The following NEGR1 variants were observed in gnomAD, a reference collection of about 807,000 sequenced individuals.
NEGR1 encodes IgLON family member 4.
A neutral mutation model predicts 40.9 loss-of-function variants in NEGR1; 10 were observed. The observed-to-expected ratio is 0.24, with a 90% CI of 0.15 to 0.42. The LOEUF (loss-of-function observed/expected upper bound fraction) is 0.42, where lower values mean the gene tolerates loss of function less well. Among genes scored for constraint, NEGR1 ranks in the 10% least tolerant of loss-of-function variants. NEGR1 has a pLI of 1.00. For synonymous variants in NEGR1, 185 were observed against 166.8 expected (o/e 1.11, Z -0.84); for missense variants, 352 against 438.9 (o/e 0.80, Z 1.77).
chr1:72,001,219 C>T (rs1240039010), intron 1 of NEGR1, among the ~76,000 whole-genome samples: 3 of 151,744 alleles, frequency 2.0e-5, no homozygotes, highest in Non-Finnish European at 4.4e-5. Flanking sequence ...TTTCAGGACC[C>T]CTCTCTGCAG....
chr1:71,776,034 TA>T lies in NEGR1; in HGVS notation c.535+137del, dbSNP rs1335212500. ...ATAAATAAATAAATAAATAAATAAATAAATAAATGCATTCTGCCTACCGCAT... is the reference window on the plus strand; with the variant it reads ...ATAAATAAATAAATAAATAAATAAATAATAAATGCATTCTGCCTACCGCAT... On this transcript the variant is annotated intron_variant, in intron 3 of 6. Coordinates refer to ENST00000357731, the MANE Select transcript of NEGR1 (RefSeq NM_173808.3). The T allele has an allele frequency of 1.6e-4, 45 of 281,946 alleles. No homozygotes were observed. The East Asian group carries it at 3.0e-3, about 19-fold the overall frequency. 17.5% of individuals were successfully genotyped at this position (281,946 alleles called of 1,614,324 possible).
chr1:72,188,084 T>C (rs1652677730), intron 1 of NEGR1, among the ~76,000 whole-genome samples: 1 of 151,524 alleles, frequency 6.6e-6, no homozygotes, highest in Non-Finnish European at 1.5e-5. Context: ...AATGTTAAAC[T>C]GATGTTAAAT....
chr1:71,967,728 C>A (rs932444039), intron 1 of NEGR1, among the ~76,000 whole-genome samples: 3 of 152,090 alleles, frequency 2.0e-5, no homozygotes, highest in Non-Finnish European at 4.4e-5. Context: ...CTTTCATTTA[C>A]ATGTTTTATT....
At chr1:71,737,987 C>A (rs1483374019) in intron 3 of NEGR1, among the ~76,000 whole-genome samples, 5 of 152,148 alleles carry the variant, frequency 3.3e-5, no homozygotes, top group Non-Finnish European at 2.9e-5. Flanking sequence ...GCTTTCCTAT[C>A]CATCTGCATA....
chr1:72,198,352 A>G (rs1280561572), intron 1 of NEGR1, among the ~76,000 whole-genome samples: 1 of 152,014 alleles, frequency 6.6e-6, no homozygotes, highest in Non-Finnish European at 1.5e-5. Flanking sequence ...TAATATGGGA[A>G]CTGAAAAGAC....
At chr1:71,987,918 T>A (rs368407515) in intron 1 of NEGR1, among the ~76,000 whole-genome samples, 6,994 of 152,286 alleles carry the variant, frequency 0.046, 203 homozygotes, top group Non-Finnish European at 0.073. Context: ...AGAGGAGCCC[T>A]TCATTCAAAA....
intron 4 of NEGR1, among the ~76,000 whole-genome samples, chr1:71,678,309 A>G (rs1177985429): frequency 1.3e-5 from 2 of 152,180 alleles, no homozygotes; most frequent in African/African-American, 4.8e-5. Flanking sequence ...ACATATGTAA[A>G]CTGAATATAT....
chr1:71,613,563 A>C (rs1039492002), intron 4 of NEGR1, among the ~76,000 whole-genome samples: 29 of 151,954 alleles, frequency 1.9e-4, no homozygotes, highest in Admixed American at 6.6e-5. Flanking sequence ...AGGCTGAAGC[A>C]GGAGAATCGC....
intron 6 of NEGR1, among the ~76,000 whole-genome samples, chr1:71,423,825 C>T (rs1334538686): frequency 2.0e-5 from 3 of 149,038 alleles, no homozygotes; most frequent in Non-Finnish European, 4.4e-5. Context: ...CCTCACCCAC[C>T]CCCCCTTTTT....
chr1:71,418,074 A>G (rs1490791192), intron 6 of NEGR1, among the ~76,000 whole-genome samples: 1 of 38,192 alleles, frequency 2.6e-5, no homozygotes, highest in East Asian at 6.7e-4. Flanking sequence ...TCCAGGGTAC[A>G]CTTTTTTTTT....
intron 3 of NEGR1, among the ~76,000 whole-genome samples, chr1:71,712,809 T>A (rs1447634427): frequency 6.6e-6 from 1 of 152,058 alleles, no homozygotes; most frequent in African/African-American, 2.4e-5. Flanking sequence ...TGATAGTGAG[T>A]GAGTTCTCAT....
At chr1:71,932,463 C>A (rs772955559) in intron 2 of NEGR1, among the ~76,000 whole-genome samples, 8 of 151,844 alleles carry the variant, frequency 5.3e-5, no homozygotes, top group Non-Finnish European at 1.2e-4. Context: ...TTTCCTATTC[C>A]TACTTTAGTG....
chr1:71,931,662 C>A (rs1308748838), intron 2 of NEGR1, among the ~76,000 whole-genome samples: 1 of 152,102 alleles, frequency 6.6e-6, no homozygotes, highest in African/African-American at 2.4e-5. Flanking sequence ...CATGAGAGCT[C>A]TCATGAATGA....
At chr1:72,022,367 T>A (rs956544513) in intron 1 of NEGR1, among the ~76,000 whole-genome samples, 46 of 147,760 alleles carry the variant, frequency 3.1e-4, no homozygotes, top group Non-Finnish European at 5.4e-4. Context: ...AAACACATTG[T>A]TTCTATTTAG....
At chr1:71,761,913 T>C (rs1570311966) in intron 3 of NEGR1, among the ~76,000 whole-genome samples, 4 of 152,076 alleles carry the variant, frequency 2.6e-5, no homozygotes, top group African/African-American at 9.7e-5. Flanking sequence ...AAATACAAAA[T>C]ACTTTCCTTC....
chr1:71,909,129 A>T (rs888775064), intron 2 of NEGR1, among the ~76,000 whole-genome samples: 1 of 152,098 alleles, frequency 6.6e-6, no homozygotes, highest in Non-Finnish European at 1.5e-5. Context: ...ACAATTAAGT[A>T]TTTGCTTCAG....
At chr1:71,426,621 C>T (rs1646430236) in intron 6 of NEGR1, among the ~76,000 whole-genome samples, 1 of 152,150 alleles carries the variant, frequency 6.6e-6, no homozygotes, top group Non-Finnish European at 1.5e-5. Context: ...TTATGTAAAT[C>T]TGATTTCCTT....
intron 6 of NEGR1, among the ~76,000 whole-genome samples, chr1:71,499,560 T>C (rs1281078005): frequency 6.7e-6 from 1 of 150,088 alleles, no homozygotes. Flanking sequence ...GGAATTATTA[T>C]AGGCACTCAA....
intron 6 of NEGR1, among the ~76,000 whole-genome samples, chr1:71,418,541 C>CTT (rs1646372214): frequency 6.6e-6 from 1 of 152,048 alleles, no homozygotes; most frequent in Non-Finnish European, 1.5e-5. Context: ...AAACCATAGC[C>CTT]TTTTAGCTCC....
Sources: allele counts gnomAD v4.1 joint callset (sites outside exome capture counted in the v4.1 genomes callset), GRCh38; gene constraint gnomAD v4.1.1; transcripts MANE v1.5; gene names NCBI Gene and HGNC (gene_info 2026-07-23, HGNC 2026-07-21).